The following C16orf78 variants were observed in gnomAD, a reference collection of about 807,000 sequenced individuals.
C16orf78 encodes the protein chromosome 16 open reading frame 78, also known as uncharacterized protein C16orf78.
C16orf78 carries 19 observed loss-of-function variants against 27.3 expected under a neutral mutation model. That is an observed-to-expected ratio of 0.70 (90% CI 0.49 to 1.02). The LOEUF is 1.02. C16orf78 is among the 50% of genes least tolerant of loss of function. The pLI, the probability that C16orf78 is intolerant of heterozygous loss-of-function variation, is 0.00. For missense variants in C16orf78, 339 were observed against 337.0 expected (o/e 1.01, Z -0.05); for synonymous variants, 130 against 116.1 (o/e 1.12, Z -0.77).
chr16:49,387,666 G>T lies in C16orf78; in HGVS notation c.395-8757G>T, dbSNP rs148209035. Among the ~76,000 whole-genome samples the T allele has an allele frequency of 3.9e-3, 593 of 152,214 alleles. 4 individuals carry two copies. Among genetic ancestry groups the T allele is most frequent in the African/African-American group, 0.014 (571 of 41,520 alleles). On this transcript the variant is annotated intron_variant, in intron 3 of 4. Transcript: ENST00000299191. Reference sequence around the variant, plus strand: ...TCTTGTAGAATTTGGCTGTGAATCTGTCTGGTCCTGGGCTTTTGTTGTTGT... The same window carrying T: ...TCTTGTAGAATTTGGCTGTGAATCTTTCTGGTCCTGGGCTTTTGTTGTTGT...
At chr16:49,397,004 T>C (rs982027624) in intron 4 of C16orf78, among the ~76,000 whole-genome samples, 1 of 152,242 alleles carries the variant, frequency 6.6e-6, no homozygotes, top group African/African-American at 2.4e-5. Context: ...TTTGTCTTAA[T>C]AGGAAGATTT....
chr16:49,389,163 C>T (rs997717283), intron 3 of C16orf78, among the ~76,000 whole-genome samples: 2 of 152,160 alleles, frequency 1.3e-5, no homozygotes, highest in African/African-American at 4.8e-5. Flanking sequence ...TGGCTCACGC[C>T]TGTAATCCTA....
intron 3 of C16orf78, among the ~76,000 whole-genome samples, chr16:49,393,475 C>A (rs1412811150): frequency 6.6e-6 from 1 of 152,058 alleles, no homozygotes; most frequent in Non-Finnish European, 1.5e-5. Context: ...TTAGAAATAA[C>A]CCTCAACTTT....
At chr16:49,382,899 A>C (rs902847712) in intron 3 of C16orf78, among the ~76,000 whole-genome samples, 2 of 152,246 alleles carry the variant, frequency 1.3e-5, no homozygotes, top group Non-Finnish European at 2.9e-5. Context: ...TCACACTCAA[A>C]GTAGTCTATT....
chr16:49,384,447 A>G (rs1965323482), intron 3 of C16orf78, among the ~76,000 whole-genome samples: 1 of 152,104 alleles, frequency 6.6e-6, no homozygotes, highest in African/African-American at 2.4e-5. Flanking sequence ...TGGCAGACTC[A>G]ATCCAACAGA....
intron 3 of C16orf78, among the ~76,000 whole-genome samples, chr16:49,386,259 G>C (rs1965349774): frequency 6.6e-6 from 1 of 152,154 alleles, no homozygotes; most frequent in Non-Finnish European, 1.5e-5. Context: ...AATAGTAGGG[G>C]ACTTTAACAC....
At chr16:49,375,706 T>C (rs1044705815) in intron 1 of C16orf78, among the ~76,000 whole-genome samples, 2 of 152,146 alleles carry the variant, frequency 1.3e-5, no homozygotes, top group South Asian at 4.1e-4. Flanking sequence ...CAGAAAGATC[T>C]CGAGTGCCAA....
intron 3 of C16orf78, among the ~76,000 whole-genome samples, chr16:49,383,085 G>A (rs1376584744): frequency 6.6e-6 from 1 of 152,242 alleles, no homozygotes; most frequent in African/African-American, 2.4e-5. Flanking sequence ...ATTGGAGAAT[G>A]AAGAAGCCTT....
At chr16:49,380,922 T>G (rs1182991748) in intron 3 of C16orf78, among the ~76,000 whole-genome samples, 3 of 152,028 alleles carry the variant, frequency 2.0e-5, no homozygotes, top group African/African-American at 2.4e-5. Flanking sequence ...TTCTCAGATT[T>G]GTCAAAGATC....
In C16orf78 at chr16:49,394,660, T is replaced by A. The variant is rs145739087; in HGVS notation, c.395-1763T>A. Among the ~76,000 whole-genome samples, 5 of 152,176 alleles carry A rather than the reference T, an allele frequency of 3.3e-5. No individual in the cohort carries two copies. The East Asian group carries it at 9.6e-4, about 29-fold the overall frequency. The stretch of plus-strand genomic sequence containing the variant: ...AAAAAATGAGGCATAATCCCTATCA[T>A]CATTATTGGCAATGTTCTAGAGGGT... On this transcript the variant is annotated intron_variant, in intron 3 of 4. Transcript: ENST00000299191.
chr16:49,384,668 G>T (rs1024804893), intron 3 of C16orf78, among the ~76,000 whole-genome samples: 10 of 152,186 alleles, frequency 6.6e-5, no homozygotes, highest in African/African-American at 2.4e-4. Context: ...TGAGGAAAGA[G>T]ATGTACATTA....
At chr16:49,398,988 A>G (rs1052845417) in intron 4 of C16orf78, 143 bp from the exon 5 acceptor site, 12 of 877,472 alleles carry the variant, frequency 1.4e-5, no homozygotes, top group Non-Finnish European at 1.9e-5. Context: ...TAAGGTCTCT[A>G]TCAGCTCCAT....
Position 49,373,818 on chromosome 16 carries a change from G to A in C16orf78, c.-122G>A, listed in dbSNP as rs1965183246. 1.6e-6 allele frequency: 2 copies of A among 1,232,598 alleles called. No homozygotes were observed. The allele number at this position is 1,232,598 out of a possible 1,614,324, so 76.4% of individuals were successfully genotyped here. A position where few individuals can be genotyped will look rare whatever the true frequency, so the allele number is the denominator to read the frequency against. ...GGTCTTGGCTCACTCTGCCCTTTAT[G>A]TTCACATCTGGAGGCCACACCCTAC... On this transcript the variant is annotated 5_prime_UTR_variant, in exon 1 of 5. The change abolishes an upstream ATG in the 5' untranslated region. Transcript: ENST00000299191.
chr16:49,375,532 C>A (rs569801026), intron 1 of C16orf78, among the ~76,000 whole-genome samples: 12 of 152,212 alleles, frequency 7.9e-5, no homozygotes, highest in African/African-American at 2.6e-4. Context: ...CGAGAACTCT[C>A]GCCTTCATGA....
intron 4 of C16orf78, 27 bp from the exon 5 acceptor site, chr16:49,399,104 T>C (rs1470790801): frequency 8.1e-6 from 13 of 1,611,016 alleles, no homozygotes; most frequent in Non-Finnish European, 1.1e-5. Flanking sequence ...CACCTTCAAC[T>C]GACCTCTTTT....
intron 3 of C16orf78, among the ~76,000 whole-genome samples, chr16:49,382,103 T>C (rs567892091): frequency 5.9e-5 from 9 of 152,358 alleles, no homozygotes; most frequent in African/African-American, 1.7e-4. Context: ...GATGAGTTCA[T>C]GTCCTTTCTA....
chr16:49,399,306 C>A lies in C16orf78; in HGVS notation c.*28C>A. ...AGCTCCTCTCGCCACCACCTTCAGG[C>A]TCCTTCTGTCATGGGACCCTTCACC... On this transcript the variant is annotated 3_prime_UTR_variant, in exon 5 of 5. Coordinates refer to ENST00000299191, the MANE Select transcript of C16orf78 (RefSeq NM_144602.4). 1.2e-6 allele frequency: 2 copies of A among 1,611,832 alleles called. No individual in the cohort carries two copies. The highest frequency in any genetic ancestry group is 1.3e-5 in the African/African-American group (1 of 75,026).
chr16:49,386,257 G>C (rs1965349743), intron 3 of C16orf78, among the ~76,000 whole-genome samples: 2 of 152,224 alleles, frequency 1.3e-5, no homozygotes, highest in Non-Finnish European at 1.5e-5. Flanking sequence ...ATAATAGTAG[G>C]GGACTTTAAC....
chr16:49,394,943 C>T (rs1272494047), intron 3 of C16orf78, among the ~76,000 whole-genome samples: 1 of 152,136 alleles, frequency 6.6e-6, no homozygotes, highest in African/African-American at 2.4e-5. Flanking sequence ...TCATAGCTCA[C>T]CGCAGCCTTG....
Sources: gnomAD v4.1 joint callset for allele counts (sites outside exome capture counted in the v4.1 genomes callset) on GRCh38, gnomAD v4.1.1 for gene constraint, MANE v1.5 for transcripts, NCBI Gene and HGNC (gene_info 2026-07-23, HGNC 2026-07-21) for gene names.